Variants in ZEB1 observed in about 807,000 individuals in gnomAD.
ZEB1 encodes the protein zinc finger E-box-binding homeobox 1.
A neutral mutation model predicts 84.9 loss-of-function variants in ZEB1; 21 were observed. That is an observed-to-expected ratio of 0.25 (90% CI 0.18 to 0.36). ZEB1 has a LOEUF of 0.36. Ranked by LOEUF, ZEB1 falls within the 10% of genes least tolerant of loss-of-function variation. ZEB1 has a pLI of 1.00. For synonymous variants in ZEB1, 420 were observed against 471.1 expected, an observed-to-expected ratio of 0.89 and a Z score of 1.41; for missense variants, 1,104 against 1,330.2, an observed-to-expected ratio of 0.83 and a Z score of 2.65.
intron 1 of ZEB1, among the ~76,000 whole-genome samples, chr10:31,370,013 T>C (rs951662297): frequency 6.6e-6 from 1 of 152,254 alleles, no homozygotes; most frequent in Non-Finnish European, 1.5e-5. Context: ...TTCTGAGAAA[T>C]GCCTGTTTAG....
At chr10:31,384,783 T>G (rs1352341962) in intron 1 of ZEB1, among the ~76,000 whole-genome samples, 3 of 152,198 alleles carry the variant, frequency 2.0e-5, no homozygotes, top group Non-Finnish European at 4.4e-5. Context: ...AAGTTTCTAG[T>G]CAGTTCCTCT....
intron 1 of ZEB1, among the ~76,000 whole-genome samples, chr10:31,454,636 A>G (rs1434928814): frequency 6.6e-6 from 1 of 152,064 alleles, no homozygotes; most frequent in African/African-American, 2.4e-5. Context: ...CAGAGAACCA[A>G]ATCATGAGTG....
In ZEB1 at chr10:31,444,733, G is replaced by A. The variant is rs1046856430; in HGVS notation, c.59-16304G>A. On this transcript the variant is annotated intron_variant, in intron 1 of 8. Coordinates refer to ENST00000424869, the MANE Select transcript of ZEB1 (RefSeq NM_001174096.2). ...AAGATCAGATAGTCGTAGGTATGCG[G>A]CGTTATTTCTGAGGGCTCTGTTCTG... Among the ~76,000 whole-genome samples, 539 of 152,056 alleles carry A rather than the reference G, an allele frequency of 3.5e-3. 6 individuals are homozygous for A. Among genetic ancestry groups the A allele is most frequent in the Middle Eastern group, 0.014 (4 of 294 alleles).
At chr10:31,457,532 T>A (rs1342445327) in intron 1 of ZEB1, among the ~76,000 whole-genome samples, 2 of 152,116 alleles carry the variant, frequency 1.3e-5, no homozygotes, top group Non-Finnish European at 2.9e-5. Flanking sequence ...TTTTTCCCAT[T>A]TTATGACACA....
At chr10:31,322,356 A>G (rs900208661) in intron 1 of ZEB1, among the ~76,000 whole-genome samples, 1 of 152,252 alleles carries the variant, frequency 6.6e-6, no homozygotes, top group Non-Finnish European at 1.5e-5. Context: ...TTAATGAAGA[A>G]ATATGTGATA....
At chr10:31,407,286 C>T (rs1309609967) in intron 1 of ZEB1, among the ~76,000 whole-genome samples, 1 of 142,858 alleles carries the variant, frequency 7.0e-6, no homozygotes, top group African/African-American at 2.6e-5. Context: ...TGATGTTCCC[C>T]TTCCTGTGTC....
At position 31,523,195 on chromosome 10, in the gene ZEB1, A is replaced by G. The variant is rs368045416; in HGVS notation, c.2605-738A>G. 2.6e-4 allele frequency among the ~76,000 whole-genome samples: 39 copies of G among 152,348 alleles called. No homozygotes were observed. In the South Asian group the frequency reaches 7.7e-3, roughly 30 times the overall value. On this transcript the variant is annotated intron_variant, in intron 7 of 8. Coordinates refer to ENST00000424869, the MANE Select transcript of ZEB1 (RefSeq NM_001174096.2). ...ACTCTAGATAAGGTAGGAAGATCTT[A>G]GGGGACCCAGTTCCACAACAGGCTC...
chr10:31,525,998 G>A (rs775266957), intron 8 of ZEB1, among the ~76,000 whole-genome samples: 1 of 152,028 alleles, frequency 6.6e-6, no homozygotes, highest in Non-Finnish European at 1.5e-5. Flanking sequence ...GGACATTATC[G>A]ATCCTGACTA....
At chr10:31,438,501 C>T (rs1014772513) in intron 1 of ZEB1, among the ~76,000 whole-genome samples, 1 of 151,896 alleles carries the variant, frequency 6.6e-6, no homozygotes, top group Non-Finnish European at 1.5e-5. Context: ...TTTAATTATA[C>T]CTCCTATTCA....
At chr10:31,511,986 A>C (rs2139545028) in intron 5 of ZEB1, among the ~76,000 whole-genome samples, 1 of 152,332 alleles carries the variant, frequency 6.6e-6, no homozygotes, top group African/African-American at 2.4e-5. Flanking sequence ...AAGCCCATGA[A>C]GGAGCACTTG....
intron 1 of ZEB1, among the ~76,000 whole-genome samples, chr10:31,340,329 T>A (rs2039108289): frequency 1.3e-5 from 2 of 152,194 alleles, no homozygotes; most frequent in African/African-American, 4.8e-5. Context: ...ATTACTAACT[T>A]ACTTTTTTAG....
chr10:31,514,979 T>C (rs540664909), intron 6 of ZEB1, among the ~76,000 whole-genome samples: 3 of 152,038 alleles, frequency 2.0e-5, no homozygotes, highest in Non-Finnish European at 4.4e-5. Flanking sequence ...TGAAAACATA[T>C]TAGCTTTCTG....
intron 1 of ZEB1, among the ~76,000 whole-genome samples, chr10:31,408,068 A>G (rs1395874316): frequency 1.3e-5 from 2 of 151,872 alleles, no homozygotes; most frequent in Admixed American, 6.6e-5. Context: ...AAATCAATGT[A>G]CAAAAATCAC....
intron 1 of ZEB1, among the ~76,000 whole-genome samples, chr10:31,341,564 C>G (rs1183109514): frequency 6.6e-6 from 1 of 152,086 alleles, no homozygotes; most frequent in Non-Finnish European, 1.5e-5. Context: ...AACCTTTGAA[C>G]TTGATGCTGT....
chr10:31,444,897 G>A (rs926677551), intron 1 of ZEB1, among the ~76,000 whole-genome samples: 1 of 152,042 alleles, frequency 6.6e-6, no homozygotes, highest in African/African-American at 2.4e-5. Context: ...GGCGATGCAG[G>A]TTCTTTTTTG....
intron 6 of ZEB1, among the ~76,000 whole-genome samples, chr10:31,517,110 G>A (rs182037405): frequency 1.3e-5 from 2 of 152,144 alleles, no homozygotes; most frequent in Admixed American, 6.6e-5. Context: ...AGTTTGAAAA[G>A]CTCTGCCTAG....
intron 1 of ZEB1, chr10:31,381,825 A>G (rs1224962556): frequency 6.6e-6 from 1 of 152,134 alleles, no homozygotes; most frequent in Admixed American, 6.6e-5. Flanking sequence ...AGCCTGGCCA[A>G]CATGGTAAAA....
intron 1 of ZEB1, chr10:31,363,416 G>A: frequency 6.5e-7 from 1 of 1,534,016 alleles, no homozygotes; most frequent in South Asian, 1.2e-5. Flanking sequence ...CTCTTGAGGT[G>A]GACATTTCCC....
At chr10:31,424,756 T>C (rs2056707340) in intron 1 of ZEB1, among the ~76,000 whole-genome samples, 1 of 152,030 alleles carries the variant, frequency 6.6e-6, no homozygotes. Flanking sequence ...TGAGAATTTC[T>C]GTTTTGACAT....
Sources: gnomAD v4.1 joint callset for allele counts (sites outside exome capture counted in the v4.1 genomes callset) on GRCh38, gnomAD v4.1.1 for gene constraint, MANE v1.5 for transcripts, NCBI Gene and HGNC (gene_info 2026-07-23, HGNC 2026-07-21) for gene names.